Variants in CSMD3 observed in about 807,000 individuals in gnomAD.
CSMD3 encodes CUB and sushi domain-containing protein 3.
In CSMD3, 177 loss-of-function variants were observed where a neutral mutation model predicts 435.2. That is an observed-to-expected ratio of 0.41 (90% confidence interval 0.36 to 0.46). The LOEUF is 0.46. Ranked by LOEUF, CSMD3 falls within the 20% of genes least tolerant of loss-of-function variation. CSMD3 has a pLI of 0.34. For missense variants in CSMD3, 4,265 were observed against 4,504.6 expected (o/e 0.95, Z 1.52); for synonymous variants, 1,656 against 1,520.5 (o/e 1.09, Z -2.07).
In CSMD3 at chr8:112,685,676, G is replaced by A. The variant is rs572156099; in HGVS notation, c.2212C>T (p.Pro738Ser). The A allele has an allele frequency of 6.2e-7, 1 of 1,613,500 alleles. No homozygotes were observed. Among genetic ancestry groups the A allele is most frequent in the African/African-American group, 1.3e-5 (1 of 74,978 alleles). Residue 738 changes from proline (P) to serine (S), a missense_variant, in exon 15 of 71, where the codon CCA becomes TCA. Transcript: ENST00000297405. ...PMGTVLSPDY[P>S]EGYGNNLNCI... ...TTTAAATTATTTCCATACCCTTCTG[G>A]GTAATCAGGAGAAAGAACTGTTCCC...
chr8:112,384,265 A>C (rs1829743029), intron 36 of CSMD3, among the ~76,000 whole-genome samples: 1 of 152,202 alleles, frequency 6.6e-6, no homozygotes, highest in African/African-American at 2.4e-5. Flanking sequence ...TTTTGTAATT[A>C]ATTCAAATGA....
intron 47 of CSMD3, among the ~76,000 whole-genome samples, chr8:112,316,899 T>A (rs538665306): frequency 6.6e-6 from 1 of 151,988 alleles, no homozygotes. Context: ...AGAAGAAAAA[T>A]GATACTACTA....
chr8:112,393,133 G>T (rs1029954967), intron 35 of CSMD3, among the ~76,000 whole-genome samples: 22 of 151,964 alleles, frequency 1.4e-4, no homozygotes, highest in African/African-American at 5.1e-4. Context: ...AAACAATGCC[G>T]CCTCAGCCTC....
intron 47 of CSMD3, 83 bp downstream of exon 47, chr8:112,318,754 A>G (rs1280468575): frequency 1.2e-6 from 1 of 836,810 alleles, no homozygotes; most frequent in Admixed American, 2.0e-5. Flanking sequence ...ATATTTATAT[A>G]GATTTTTCTC....
chr8:113,324,233 T>G (rs933014194), intron 1 of CSMD3, among the ~76,000 whole-genome samples: 1 of 152,204 alleles, frequency 6.6e-6, no homozygotes, highest in African/African-American at 2.4e-5. Flanking sequence ...GTGGAAAGAA[T>G]GTGAATCCTC....
intron 5 of CSMD3, among the ~76,000 whole-genome samples, chr8:113,089,700 T>C (rs971752497): frequency 3.9e-5 from 6 of 152,168 alleles, no homozygotes; most frequent in Non-Finnish European, 7.4e-5. Context: ...TCTTCACTTG[T>C]CTTCCTTTAT....
intron 32 of CSMD3, among the ~76,000 whole-genome samples, chr8:112,452,405 T>C (rs1039055857): frequency 6.6e-6 from 1 of 152,192 alleles, no homozygotes; most frequent in Non-Finnish European, 1.5e-5. Context: ...CTAGTTTACA[T>C]TATTTCTGAA....
chr8:112,506,859 T>C, intron 28 of CSMD3, 30 bp from the exon 29 acceptor site: 1 of 1,576,064 alleles, frequency 6.3e-7, no homozygotes, highest in East Asian at 2.3e-5. Context: ...ATAAAATCTC[T>C]TTAAACATTA....
chr8:112,437,571 A>G (rs562293034), intron 32 of CSMD3, among the ~76,000 whole-genome samples: 2 of 152,140 alleles, frequency 1.3e-5, no homozygotes, highest in African/African-American at 4.8e-5. Flanking sequence ...AGCCATATAT[A>G]TATGTGTGTG....
At chr8:112,692,264 A>C (rs933346096) in intron 13 of CSMD3, among the ~76,000 whole-genome samples, 7 of 152,084 alleles carry the variant, frequency 4.6e-5, no homozygotes, top group Admixed American at 3.9e-4. Context: ...TATTTATTAA[A>C]AAATAAAATA....
intron 3 of CSMD3, among the ~76,000 whole-genome samples, chr8:113,218,635 T>C (rs577079067): frequency 1.3e-5 from 2 of 151,308 alleles, no homozygotes; most frequent in African/African-American, 2.4e-5. Context: ...CAAGTACTAA[T>C]ACATTTTCAC....
intron 52 of CSMD3, among the ~76,000 whole-genome samples, chr8:112,303,521 C>T (rs1821123647): frequency 6.6e-6 from 1 of 152,022 alleles, no homozygotes; most frequent in South Asian, 2.1e-4. Context: ...CGCCACTGCA[C>T]TCCAGCCTGG....
At chr8:112,784,919 A>G (rs1386546207) in intron 13 of CSMD3, among the ~76,000 whole-genome samples, 1 of 152,090 alleles carries the variant, frequency 6.6e-6, no homozygotes, top group Admixed American at 6.6e-5. Context: ...CTACAAGGAC[A>G]ATAGTATCCT....
chr8:112,925,127 A>C (rs1386035283), intron 9 of CSMD3, among the ~76,000 whole-genome samples: 14 of 152,052 alleles, frequency 9.2e-5, no homozygotes, highest in Non-Finnish European at 2.1e-4. Flanking sequence ...CCTAACATGA[A>C]CCTTATGTTC....
chr8:112,494,292 A>ACGTT (rs1820994653), intron 30 of CSMD3, among the ~76,000 whole-genome samples: 1 of 146,504 alleles, frequency 6.8e-6, no homozygotes, highest in Admixed American at 7.0e-5. Flanking sequence ...TCTCTCTCTC[A>ACGTT]CTTTCTTTCT....
At chr8:112,823,382 G>A (rs569775248) in intron 12 of CSMD3, among the ~76,000 whole-genome samples, 6 of 151,746 alleles carry the variant, frequency 4.0e-5, no homozygotes, top group African/African-American at 1.5e-4. Flanking sequence ...ATGTGTCCAG[G>A]AATTTTTCCA....
intron 5 of CSMD3, among the ~76,000 whole-genome samples, chr8:113,051,631 C>A (rs1179759287): frequency 6.6e-6 from 1 of 152,040 alleles, no homozygotes; most frequent in Admixed American, 6.6e-5. Flanking sequence ...GTTTTAAGGT[C>A]TAATATGTTA....
chr8:112,947,742 A>G (rs776723826), intron 9 of CSMD3, 48 bp downstream of exon 9: 4 of 829,258 alleles, frequency 4.8e-6, no homozygotes, highest in Non-Finnish European at 8.3e-6. Context: ...TTAAATTAAA[A>G]TAAACCTTGA....
intron 5 of CSMD3, among the ~76,000 whole-genome samples, chr8:113,064,494 A>C (rs2088766495): frequency 6.6e-6 from 1 of 152,166 alleles, no homozygotes; most frequent in Admixed American, 6.5e-5. Flanking sequence ...TTTTAAATTA[A>C]TTCATTTATT....
Sources: allele counts gnomAD v4.1 joint callset (sites outside exome capture counted in the v4.1 genomes callset), GRCh38; gene constraint gnomAD v4.1.1; transcripts MANE v1.5; gene names NCBI Gene and HGNC (gene_info 2026-07-23, HGNC 2026-07-21).